ST3GAL2: variants seen among roughly 807,000 people sequenced by gnomAD.
ST3GAL2 encodes the protein ST3 beta-galactoside alpha-2,3-sialyltransferase 2.
In ST3GAL2, 16 loss-of-function variants were observed where a neutral mutation model predicts 37.5. That is an observed-to-expected ratio of 0.43 (90% CI 0.29 to 0.65). The LOEUF is 0.65. Ranked by LOEUF, ST3GAL2 falls within the 30% of genes least tolerant of loss-of-function variation. ST3GAL2 has a pLI of 0.17. For missense variants in ST3GAL2, 383 were observed against 487.8 expected, an observed-to-expected ratio of 0.79 and a Z score of 2.02; for synonymous variants, 238 against 202.9, an observed-to-expected ratio of 1.17 and a Z score of -1.47.
chr16:70,408,907 A>C (rs1325890766), intron 1 of ST3GAL2, among the ~76,000 whole-genome samples: 12 of 114,072 alleles, frequency 1.1e-4, no homozygotes, highest in African/African-American at 5.0e-4. Flanking sequence ...AAAAAAAAAA[A>C]AAAAAAAAAA....
intron 1 of ST3GAL2, among the ~76,000 whole-genome samples, chr16:70,402,714 A>T (rs2047564477): frequency 6.6e-6 from 1 of 152,062 alleles, no homozygotes; most frequent in South Asian, 2.1e-4. Flanking sequence ...CAGTGGCGTG[A>T]TCTTGGCTCA....
At chr16:70,437,879 AG>A (rs1306304615) in intron 1 of ST3GAL2, among the ~76,000 whole-genome samples, 14 of 152,158 alleles carry the variant, frequency 9.2e-5, no homozygotes, top group Non-Finnish European at 1.6e-4. Flanking sequence ...CCCAAAGACG[AG>A]GCGGGAGTGT....
At position 70,426,698 on chromosome 16, in the gene ST3GAL2, C is replaced by T. The variant is rs1043110940; in HGVS notation, c.-1004+12251G>A. ...GCTAATTTTGTATTTTTAGTAGAGA[C>T]GGGGTTTCTCCATGTTGGTCAGGCT... On this transcript the variant is annotated intron_variant, in intron 1 of 6. Transcript: ENST00000342907. Among the ~76,000 whole-genome samples the T allele has an allele frequency of 3.6e-4, 55 of 151,916 alleles. 1 individual carries two copies. Among genetic ancestry groups the T allele is most frequent in the Middle Eastern group, 6.8e-3 (2 of 294 alleles).
intron 1 of ST3GAL2, among the ~76,000 whole-genome samples, chr16:70,431,269 A>T (rs1460718505): frequency 2.0e-5 from 3 of 152,222 alleles, no homozygotes; most frequent in African/African-American, 7.2e-5. Context: ...TTCCCTGTAG[A>T]CCAATTAGCT....
chr16:70,430,992 A>T (rs1182320882), intron 1 of ST3GAL2, among the ~76,000 whole-genome samples: 1 of 152,028 alleles, frequency 6.6e-6, no homozygotes, highest in East Asian at 1.9e-4. Context: ...GTAGGAACAA[A>T]GGTTGGGGAA....
chr16:70,390,317 C>G (rs571492634), intron 3 of ST3GAL2, among the ~76,000 whole-genome samples: 2 of 152,332 alleles, frequency 1.3e-5, no homozygotes, highest in South Asian at 4.1e-4. Flanking sequence ...AAGCAACCCT[C>G]CTGCCTCAGC....
At chr16:70,389,836 G>T (rs546867288) in intron 3 of ST3GAL2, among the ~76,000 whole-genome samples, 2 of 151,672 alleles carry the variant, frequency 1.3e-5, no homozygotes, top group East Asian at 3.9e-4. Flanking sequence ...GCCCAGGCTG[G>T]AGTGCAGTGT....
chr16:70,423,914 C>A (rs539083115), intron 1 of ST3GAL2, among the ~76,000 whole-genome samples: 1 of 150,858 alleles, frequency 6.6e-6, no homozygotes, highest in Non-Finnish European at 1.5e-5. Flanking sequence ...AAAAATTAGC[C>A]GGGCGTGGTG....
At chr16:70,428,368 T>A (rs1006725116) in intron 1 of ST3GAL2, among the ~76,000 whole-genome samples, 3 of 152,246 alleles carry the variant, frequency 2.0e-5, no homozygotes, top group African/African-American at 7.2e-5. Context: ...AGAAGGCAGC[T>A]ATCTGGGATT....
rs1411955562 is a variant in ST3GAL2, at chr16:70,379,472, T to C, written c.*2217A>G. 1 of 152,220 alleles carries C rather than the reference T, an allele frequency of 6.6e-6. No homozygotes were observed. The highest frequency in any genetic ancestry group is 1.9e-4 in the East Asian group (1 of 5,208). The allele number at this position is 152,220 out of a possible 1,614,324, so 9.4% of individuals were successfully genotyped here. Reference sequence around the variant, plus strand: ...CAGCTATCCTACCAGACCCGCCTTCTTCCATCATGCCCATTTCAGAACAAT... The same window carrying C: ...CAGCTATCCTACCAGACCCGCCTTCCTCCATCATGCCCATTTCAGAACAAT... On this transcript the variant is annotated 3_prime_UTR_variant, in exon 7 of 7. Coordinates refer to ENST00000342907, the MANE Select transcript of ST3GAL2 (RefSeq NM_006927.4).
chr16:70,400,412 T>TCTCCCCAG (rs1370311911), intron 1 of ST3GAL2: 1 of 152,798 alleles, frequency 6.5e-6, no homozygotes, highest in Non-Finnish European at 1.5e-5. Context: ...CTGCCTCGCC[T>TCTCCCCAG]CTCCCCAGCT....
Position 70,375,999 on chromosome 16 carries a change from C to CTAT in ST3GAL2, c.*5687_*5689dup, listed in dbSNP as rs2047342804. 6.6e-6 allele frequency: 1 copy of CTAT among 152,222 alleles called. No individual in the cohort carries two copies. The highest frequency in any genetic ancestry group is 2.4e-5 in the African/African-American group (1 of 41,460). 9.4% of individuals were successfully genotyped at this position (152,222 alleles called of 1,614,324 possible). A position where few individuals can be genotyped will look rare whatever the true frequency, so the allele number is the denominator to read the frequency against. ...AGCCTTAGTTAAGGTTTATTTATTT[C>CTAT]TATTTATAGCAAAGACAGCTGAGAT... On this transcript the variant is annotated 3_prime_UTR_variant, in exon 7 of 7. Transcript: ENST00000342907.
intron 2 of ST3GAL2, among the ~76,000 whole-genome samples, chr16:70,397,102 G>A (rs1202458794): frequency 6.9e-6 from 1 of 144,178 alleles, no homozygotes; most frequent in African/African-American, 2.6e-5. Flanking sequence ...GTGCAATGGT[G>A]CAATCTCGGC....
rs566261778 is a variant in ST3GAL2 at position 70,398,563 on chromosome 16, C to T, written c.-33G>A. On this transcript the variant is annotated 5_prime_UTR_variant, in exon 2 of 7. It introduces an in-frame stop codon into an upstream open reading frame of the 5' UTR. Coordinates refer to ENST00000342907, the MANE Select transcript of ST3GAL2 (RefSeq NM_006927.4). Reference sequence around the variant, plus strand: ...GCAGGCGGGTGACGGTCACCGTGGCCACTCTTTTCCCAGCCCGCTGAGGGG... The same window carrying T: ...GCAGGCGGGTGACGGTCACCGTGGCTACTCTTTTCCCAGCCCGCTGAGGGG... 6.5e-6 allele frequency: 10 copies of T among 1,541,844 alleles called. No homozygotes were observed. The South Asian group carries it at 1.2e-4, about 18-fold the overall frequency.
At chr16:70,388,729 G>A (rs2047460345) in intron 3 of ST3GAL2, among the ~76,000 whole-genome samples, 183 bp from the exon 4 acceptor site, 1 of 152,012 alleles carries the variant, frequency 6.6e-6, no homozygotes, top group Admixed American at 6.6e-5. Context: ...TGTGTATGAG[G>A]ATATTCACTG....
chr16:70,382,118 C>T (rs2151655522), intron 6 of ST3GAL2, among the ~76,000 whole-genome samples: 1 of 150,248 alleles, frequency 6.7e-6, no homozygotes, highest in South Asian at 2.1e-4. Context: ...CTTGCCGGGC[C>T]TCAGCCCTGC....
rs144400930 is a variant in ST3GAL2 at position 70,424,286 on chromosome 16, C to T, written c.-1004+14663G>A. ...CTGGGATTACAGGTGTGAGCCACTG[C>T]GCCCTGCCAAGTAAGTAGCTTTATA... On this transcript the variant is annotated intron_variant, in intron 1 of 6. Coordinates refer to ENST00000342907, the MANE Select transcript of ST3GAL2 (RefSeq NM_006927.4). Among the ~76,000 whole-genome samples, 682 of 147,582 alleles carry T rather than the reference C, an allele frequency of 4.6e-3. 4 individuals carry two copies. Among genetic ancestry groups the T allele is most frequent in the African/African-American group, 0.016 (664 of 40,488 alleles).
Position 70,398,683 on chromosome 16 carries a change from CG to C in ST3GAL2, c.-154del. On this transcript the variant is annotated 5_prime_UTR_variant, in exon 2 of 7. It removes the in-frame stop codon of an upstream open reading frame in the 5' UTR. Transcript: ENST00000342907. ...GGACAGTGGCAGGGGTCCCTTGCCA[CG>C]CCCTCCCTCATGTAGGGAGAACACA... is the stretch of plus-strand genomic sequence containing the variant. 1 of 711,588 alleles carries C rather than the reference CG, an allele frequency of 1.4e-6. No homozygotes were observed. Among genetic ancestry groups the C allele is most frequent in the Non-Finnish European group, 2.3e-6 (1 of 435,836 alleles). The allele number at this position is 711,588 out of a possible 1,614,324, so 44.1% of individuals were successfully genotyped here. A position where few individuals can be genotyped will look rare whatever the true frequency, so the allele number is the denominator to read the frequency against.
At chr16:70,399,559 T>G in intron 1 of ST3GAL2, 26 bp from the exon 2 acceptor site, 1 of 397,364 alleles carries the variant, frequency 2.5e-6, no homozygotes, top group Non-Finnish European at 4.4e-6. Context: ...GGAGAAATAA[T>G]GTGCGGATGA....
Sources: gnomAD v4.1 joint callset for allele counts (sites outside exome capture counted in the v4.1 genomes callset) on GRCh38, gnomAD v4.1.1 for gene constraint, MANE v1.5 for transcripts, NCBI Gene and HGNC (gene_info 2026-07-23, HGNC 2026-07-21) for gene names.